Variants in SLCO1B1 observed in about 807,000 individuals in gnomAD.
SLCO1B1 encodes the protein OATP-2.
SLCO1B1 carries 81 observed loss-of-function variants against 70.1 expected under a neutral mutation model. The observed-to-expected ratio is 1.16, with a 90% CI of 0.97 to 1.39. The LOEUF is 1.39. Ranked by LOEUF, SLCO1B1 falls within the 40% of genes most tolerant of loss-of-function variation. The pLI, the probability that SLCO1B1 is intolerant of heterozygous loss-of-function variation, is 0.00. For missense variants in SLCO1B1, 895 were observed against 799.6 expected, an observed-to-expected ratio of 1.12 and a Z score of -1.44; for synonymous variants, 283 against 271.5, an observed-to-expected ratio of 1.04 and a Z score of -0.42.
At chr12:21,199,531 A>G (rs1941131914) in intron 8 of SLCO1B1, among the ~76,000 whole-genome samples, 1 of 152,112 alleles carries the variant, frequency 6.6e-6, no homozygotes, top group Non-Finnish European at 1.5e-5. Flanking sequence ...GGTTAATAAT[A>G]TTGCCAAATT....
chr12:21,219,992 C>G (rs1941403940), intron 12 of SLCO1B1, among the ~76,000 whole-genome samples: 1 of 152,138 alleles, frequency 6.6e-6, no homozygotes, highest in Non-Finnish European at 1.5e-5. Context: ...AACTCCTGAC[C>G]TCAAGTGATC....
chr12:21,171,792 G>C (rs1940758517), intron 2 of SLCO1B1, among the ~76,000 whole-genome samples: 1 of 152,032 alleles, frequency 6.6e-6, no homozygotes, highest in African/African-American at 2.4e-5. Flanking sequence ...CCTATTCCTG[G>C]TTTCCAGAAG....
At chr12:21,144,055 C>T (rs910714431) in intron 2 of SLCO1B1, among the ~76,000 whole-genome samples, 1 of 152,022 alleles carries the variant, frequency 6.6e-6, no homozygotes, top group Non-Finnish European at 1.5e-5. Context: ...TTGTACTGAA[C>T]TAACTACATT....
chr12:21,204,609 T>C (rs1941193410), intron 10 of SLCO1B1, among the ~76,000 whole-genome samples: 2 of 151,822 alleles, frequency 1.3e-5, no homozygotes, highest in South Asian at 2.1e-4. Context: ...AGAATTAATA[T>C]AAACACAGAT....
chr12:21,198,535 T>C (rs1941120215), intron 8 of SLCO1B1, among the ~76,000 whole-genome samples: 2 of 152,018 alleles, frequency 1.3e-5, no homozygotes, highest in Non-Finnish European at 2.9e-5. Flanking sequence ...GTTGTAAAAA[T>C]AGGACAATTG....
intron 14 of SLCO1B1, among the ~76,000 whole-genome samples, chr12:21,238,523 C>T (rs983688404): frequency 6.6e-6 from 1 of 151,508 alleles, no homozygotes; most frequent in Non-Finnish European, 1.5e-5. Flanking sequence ...TACAGTTAAG[C>T]ATAATGCATT....
At chr12:21,177,973 T>C (rs1225863125) in intron 5 of SLCO1B1, among the ~76,000 whole-genome samples, 1 of 152,182 alleles carries the variant, frequency 6.6e-6, no homozygotes, top group Non-Finnish European at 1.5e-5. Flanking sequence ...TGTATATGTT[T>C]TGTGCAAATC....
In SLCO1B1 at chr12:21,179,022, T is replaced by C; in HGVS notation, c.727+2T>C. 1.9e-6 allele frequency: 3 copies of C among 1,567,562 alleles called. No homozygotes were observed. The East Asian group carries it at 6.7e-5, about 35-fold the overall frequency. Reference sequence around the variant, plus strand: ...TGGATATTGGATATGTAGATCTAAGTAAGTACAACCAGAACAAGGTACCAT... The same window carrying C: ...TGGATATTGGATATGTAGATCTAAGCAAGTACAACCAGAACAAGGTACCAT... On this transcript the variant is annotated splice_donor_variant, in intron 7 of 14. Coordinates refer to ENST00000256958, the MANE Select transcript of SLCO1B1 (RefSeq NM_006446.5). LOFTEE classifies it high-confidence loss of function.
At chr12:21,230,408 G>A (rs749702424) in intron 14 of SLCO1B1, among the ~76,000 whole-genome samples, 1 of 132,898 alleles carries the variant, frequency 7.5e-6, no homozygotes, top group Non-Finnish European at 1.5e-5. Flanking sequence ...ATGGCTCACC[G>A]CAACCTCCGC....
At chr12:21,219,575 C>T (rs1416676974) in intron 12 of SLCO1B1, among the ~76,000 whole-genome samples, 2 of 152,188 alleles carry the variant, frequency 1.3e-5, no homozygotes, top group African/African-American at 2.4e-5. Context: ...TAGAAGATCA[C>T]TCTGGCTGTG....
chr12:21,169,182 T>C (rs1325344020), intron 2 of SLCO1B1, among the ~76,000 whole-genome samples: 1 of 152,212 alleles, frequency 6.6e-6, no homozygotes, highest in African/African-American at 2.4e-5. Flanking sequence ...TGTTTGTGTG[T>C]AACTTTTGAC....
intron 7 of SLCO1B1, among the ~76,000 whole-genome samples, chr12:21,189,163 T>G (rs1940997582): frequency 6.6e-6 from 1 of 152,206 alleles, no homozygotes; most frequent in African/African-American, 2.4e-5. Context: ...GAGAGTTCTG[T>G]ATTTAATTTT....
intron 7 of SLCO1B1, among the ~76,000 whole-genome samples, chr12:21,188,222 A>C (rs1256503764): frequency 1.3e-5 from 2 of 151,670 alleles, no homozygotes; most frequent in Non-Finnish European, 2.9e-5. Flanking sequence ...TACCTCCTCC[A>C]CCTCTTCCAC....
At chr12:21,217,742 A>C (rs1205696241) in intron 12 of SLCO1B1, among the ~76,000 whole-genome samples, 2 of 152,194 alleles carry the variant, frequency 1.3e-5, no homozygotes, top group East Asian at 1.9e-4. Context: ...CAAAACTTTT[A>C]ATCGACTCAC....
At chr12:21,211,066 T>G (rs941994138) in intron 11 of SLCO1B1, among the ~76,000 whole-genome samples, 3 of 152,192 alleles carry the variant, frequency 2.0e-5, no homozygotes, top group African/African-American at 7.2e-5. Flanking sequence ...TTCTCCTGCC[T>G]AATTGCCCTG....
chr12:21,193,207 G>A (rs11045843), intron 7 of SLCO1B1, among the ~76,000 whole-genome samples: 7 of 151,876 alleles, frequency 4.6e-5, no homozygotes, highest in South Asian at 2.1e-4. Flanking sequence ...TGTCTGTTAC[G>A]TTCAATTGGT....
At chr12:21,201,701 TG>T (rs1239071653) in intron 9 of SLCO1B1, among the ~76,000 whole-genome samples, 1 of 152,164 alleles carries the variant, frequency 6.6e-6, no homozygotes, top group African/African-American at 2.4e-5. Flanking sequence ...GTTTTGTTGT[TG>T]TTTATTTCCA....
chr12:21,134,263 A>G (rs1233253253), intron 1 of SLCO1B1, among the ~76,000 whole-genome samples: 1 of 152,182 alleles, frequency 6.6e-6, no homozygotes, highest in Non-Finnish European at 1.5e-5. Flanking sequence ...TTTTGCATCA[A>G]TGTTCATCAA....
chr12:21,183,930 C>G (rs1940933737), intron 7 of SLCO1B1, among the ~76,000 whole-genome samples: 1 of 151,756 alleles, frequency 6.6e-6, no homozygotes, highest in Non-Finnish European at 1.5e-5. Flanking sequence ...AAAAAAAATA[C>G]TACATGGATT....
Sources: allele counts gnomAD v4.1 joint callset (sites outside exome capture counted in the v4.1 genomes callset), GRCh38; gene constraint gnomAD v4.1.1; transcripts MANE v1.5; gene names NCBI Gene and HGNC (gene_info 2026-07-23, HGNC 2026-07-21).